Variants in KMT2C observed in about 807,000 individuals in gnomAD.
The protein encoded by KMT2C is lysine methyltransferase 2C, also known as histone-lysine N-methyltransferase 2C.
KMT2C carries 88 observed loss-of-function variants against 507.9 expected under a neutral mutation model. The ratio of observed to expected loss-of-function variants is 0.17; its 90% CI spans 0.15 to 0.21. The LOEUF is 0.21. KMT2C is among the 10% of genes least tolerant of loss of function. KMT2C has a pLI of 1.00. For missense variants in KMT2C, 4,954 were observed against 5,957.8 expected (o/e 0.83, Z 5.55); for synonymous variants, 2,049 against 2,080.8 (o/e 0.98, Z 0.42).
At chr7:152,261,049 G>A (rs2095762604) in intron 9 of KMT2C, among the ~76,000 whole-genome samples, 1 of 152,284 alleles carries the variant, frequency 6.6e-6, no homozygotes, top group South Asian at 2.1e-4. Flanking sequence ...AAACAGCCAA[G>A]CATTTCAATT....
Position 152,163,165 on chromosome 7 carries a change from T to C in KMT2C, c.10412A>G (p.Gln3471Arg). The C allele has an allele frequency of 6.2e-7, 1 of 1,614,224 alleles. No individual in the cohort carries two copies. Among genetic ancestry groups the C allele is most frequent in the East Asian group, 2.2e-5 (1 of 44,888 alleles). The change falls in exon 43 of 59, where the codon CAG (glutamine) becomes CGG (arginine). Residue 3471 changes from glutamine to arginine, a missense_variant. Gln to Arg is a conservative substitution (Grantham distance 43). Around this residue, in one of 29 missense-constraint regions of KMT2C, gnomAD observed 801 missense variants for 751.2 expected, o/e 1.07. Transcript: ENST00000262189. ...DFMQPLGPLQ[Q>R]SPQHQQQMGQ... ...CATTTGCTGTTGGTGTTGTGGAGAC[T>C]GCTGAAGGGGTCCTAGAGGTTGCAT...
chr7:152,307,255 TAGGAAGGAAGGA>T (rs1203026089), intron 6 of KMT2C, among the ~76,000 whole-genome samples: 37 of 49,372 alleles, frequency 7.5e-4, no homozygotes, highest in Non-Finnish European at 9.6e-4. Context: ...GGAAGGACGG[TAGGAAGGAAGGA>T]AGGAAGAAAG....
intron 23 of KMT2C, among the ~76,000 whole-genome samples, chr7:152,210,574 T>A (rs1238890805): frequency 6.6e-6 from 1 of 151,982 alleles, no homozygotes; most frequent in Admixed American, 6.6e-5. Flanking sequence ...TCAGCTATCA[T>A]TAGTGTATTT....
intron 35 of KMT2C, 57 bp downstream of exon 35, chr7:152,182,917 T>C: frequency 8.0e-7 from 1 of 1,253,728 alleles, no homozygotes; most frequent in Non-Finnish European, 1.1e-6. Flanking sequence ...TGCAAAGACC[T>C]CCCTTCTCAA....
chr7:152,359,286 T>C (rs1159889669), intron 1 of KMT2C, among the ~76,000 whole-genome samples: 3 of 142,872 alleles, frequency 2.1e-5, no homozygotes, highest in Non-Finnish European at 3.0e-5. Context: ...CAGAAAGCAA[T>C]TGAAAAAAAA....
At chr7:152,313,090 TTTTTA>T (rs1368259393) in intron 4 of KMT2C, among the ~76,000 whole-genome samples, 1 of 152,168 alleles carries the variant, frequency 6.6e-6, no homozygotes, top group Non-Finnish European at 1.5e-5. Flanking sequence ...GCATAGACTT[TTTTTA>T]AAAGGTATAG....
intron 1 of KMT2C, among the ~76,000 whole-genome samples, chr7:152,420,817 A>C (rs1428026770): frequency 6.6e-6 from 1 of 151,852 alleles, no homozygotes; most frequent in Non-Finnish European, 1.5e-5. Context: ...ACTGTAACAG[A>C]AAGAGACTCC....
At chr7:152,346,387 C>T (rs1041710513) in intron 2 of KMT2C, among the ~76,000 whole-genome samples, 4 of 152,200 alleles carry the variant, frequency 2.6e-5, no homozygotes, top group South Asian at 2.1e-4. Flanking sequence ...AATGTCTGCT[C>T]TCAGATCACG....
rs34144566 is a variant in KMT2C, at chr7:152,296,067, CAAAAA to C, written c.849+13894_849+13898del. On this transcript the variant is annotated intron_variant, in intron 6 of 58. Coordinates refer to ENST00000262189, the MANE Select transcript of KMT2C (RefSeq NM_170606.3). ...TGGGCAACAGAACGAGACTCCGTCTCAAAAAAAAAAAAAAAAAAAAAAAGATATGA... is the reference window on the plus strand; with the variant it reads ...TGGGCAACAGAACGAGACTCCGTCTCAAAAAAAAAAAAAAAAAAGATATGA... Among the ~76,000 whole-genome samples, 251 of 45,426 alleles carry C rather than the reference CAAAAA, an allele frequency of 5.5e-3. 1 individual carries two copies. Among genetic ancestry groups the C allele is most frequent in the Middle Eastern group, 0.019 (1 of 54 alleles). 29.8% of individuals were successfully genotyped at this position (45,426 alleles called of 152,430 possible).
At chr7:152,328,034 G>A (rs998002586) in intron 3 of KMT2C, among the ~76,000 whole-genome samples, 5 of 151,646 alleles carry the variant, frequency 3.3e-5, no homozygotes, top group Non-Finnish European at 5.9e-5. Context: ...ATTAAGTGCA[G>A]GACACAGTGT....
At chr7:152,407,273 G>T (rs989291265) in intron 1 of KMT2C, among the ~76,000 whole-genome samples, 1,347 of 115,364 alleles carry the variant, frequency 0.012, no homozygotes, top group African/African-American at 0.028. Flanking sequence ...ATATAACAAA[G>T]GACTAAGAAA....
Position 152,162,425 on chromosome 7 carries a change from T to C in KMT2C, c.11152A>G (p.Ile3718Val). Reference sequence around the variant, plus strand: ...TCTGTCTCAGCCTTTTCCAGTTTTATCTCTTCTGTTTTGGCAGGGGTTTCC... The same window carrying C: ...TCTGTCTCAGCCTTTTCCAGTTTTACCTCTTCTGTTTTGGCAGGGGTTTCC... ...SMETPAKTEE[I>V]KLEKAETESC... is the part of the protein sequence containing the mutation. The change falls in exon 43 of 59, where the codon ATA (isoleucine) becomes GTA (valine). Residue 3718 changes from isoleucine to valine, a missense_variant. This residue lies in a region of KMT2C where 801 missense variants were observed against 751.2 expected (regional missense o/e 1.07). Transcript: ENST00000262189. 1 of 1,614,256 alleles carries C rather than the reference T, an allele frequency of 6.2e-7. No individual in the cohort carries two copies. The highest frequency in any genetic ancestry group is 8.5e-7 in the Non-Finnish European group (1 of 1,180,048).
At chr7:152,351,589 G>C (rs1482109160) in intron 2 of KMT2C, among the ~76,000 whole-genome samples, 1 of 152,176 alleles carries the variant, frequency 6.6e-6, no homozygotes, top group African/African-American at 2.4e-5. Flanking sequence ...TCCCTTTGTT[G>C]TGGGAAGTCA....
rs59272253 is a variant in KMT2C at position 152,274,488 on chromosome 7, A to T, written c.850-621T>A. The stretch of plus-strand genomic sequence containing the variant: ...TTTCCCATTTCAACCTGCCTCCATT[A>T]TCTTGCAAGTGGTAAAACGCACAGA... On this transcript the variant is annotated intron_variant, in intron 6 of 58. Transcript: ENST00000262189. 2.5e-3 allele frequency among the ~76,000 whole-genome samples: 379 copies of T among 152,346 alleles called. 1 individual carries two copies. Among genetic ancestry groups the T allele is most frequent in the African/African-American group, 8.7e-3 (363 of 41,592 alleles).
intron 6 of KMT2C, among the ~76,000 whole-genome samples, chr7:152,274,679 A>G (rs1232887368): frequency 1.3e-5 from 2 of 152,170 alleles, no homozygotes; most frequent in Non-Finnish European, 2.9e-5. Context: ...CTTTGAAGAG[A>G]GTTTGATGGG....
chr7:152,207,576 A>C (rs564142663), intron 23 of KMT2C, 148 bp from the exon 24 acceptor site: 95 of 685,650 alleles, frequency 1.4e-4, no homozygotes, highest in South Asian at 9.2e-4. Flanking sequence ...GAGATAGAAG[A>C]AGCCCCAAAT....
chr7:152,211,280 G>A (rs946986700), intron 23 of KMT2C, among the ~76,000 whole-genome samples: 1 of 152,082 alleles, frequency 6.6e-6, no homozygotes, highest in Non-Finnish European at 1.5e-5. Context: ...CAGGTAGGAA[G>A]GTAAAATAAA....
chr7:152,268,904 C>T (rs1163572834), intron 7 of KMT2C, among the ~76,000 whole-genome samples: 1 of 152,106 alleles, frequency 6.6e-6, no homozygotes, highest in Non-Finnish European at 1.5e-5. Flanking sequence ...TAGTTCAAAT[C>T]GAGGTGTGCA....
intron 1 of KMT2C, among the ~76,000 whole-genome samples, chr7:152,433,354 G>A (rs1270484468): frequency 1.3e-5 from 2 of 152,026 alleles, no homozygotes; most frequent in African/African-American, 4.8e-5. Flanking sequence ...TCACTTTCAG[G>A]GTCTTTACTG....
Sources: gnomAD v4.1 joint callset for allele counts (sites outside exome capture counted in the v4.1 genomes callset) on GRCh38, gnomAD v4.1.1 for gene constraint, gnomAD v4.1.1 regional missense constraint, MANE v1.5 for transcripts, NCBI Gene and HGNC (gene_info 2026-07-23, HGNC 2026-07-21) for gene names.